Variants in TTC27 observed in about 807,000 individuals in gnomAD.
The protein encoded by TTC27 is tetratricopeptide repeat domain 27, also known as tetratricopeptide repeat protein 27.
A neutral mutation model predicts 115.9 loss-of-function variants in TTC27; 79 were observed. The ratio of observed to expected loss-of-function variants is 0.68; its 90% CI spans 0.57 to 0.82. The LOEUF (loss-of-function observed/expected upper bound fraction) is 0.82, where lower values mean the gene tolerates loss of function less well. Among genes scored for constraint, TTC27 ranks in the 40% least tolerant of loss-of-function variants. TTC27 has a pLI of 0.00. For synonymous variants in TTC27, 401 were observed against 356.0 expected (o/e 1.13, Z -1.42); for missense variants, 1,054 against 993.1 (o/e 1.06, Z -0.82).
chr2:32,721,740 C>T (rs995404743), intron 10 of TTC27, among the ~76,000 whole-genome samples: 2 of 151,974 alleles, frequency 1.3e-5, no homozygotes, highest in African/African-American at 4.8e-5. Context: ...AGGCTCAAGC[C>T]ATCCTCCTGC....
chr2:32,783,126 G>T (rs1670237703), intron 15 of TTC27, among the ~76,000 whole-genome samples: 1 of 152,102 alleles, frequency 6.6e-6, no homozygotes, highest in Admixed American at 6.5e-5. Flanking sequence ...TTAAAAAATT[G>T]ATTAGTATAT....
intron 13 of TTC27, among the ~76,000 whole-genome samples, chr2:32,759,583 C>T (rs980648573): frequency 2.0e-5 from 3 of 152,078 alleles, no homozygotes; most frequent in Non-Finnish European, 4.4e-5. Flanking sequence ...GAGACCTCAT[C>T]TCTGAAAAAA....
intron 16 of TTC27, among the ~76,000 whole-genome samples, chr2:32,790,154 TC>T (rs1346217610): frequency 1.3e-5 from 2 of 152,072 alleles, no homozygotes; most frequent in Admixed American, 6.5e-5. Context: ...AGCTTTTTAC[TC>T]CTGTAATCAT....
In TTC27 at chr2:32,692,036, G is replaced by GTTTTTTTTTTTTTTTTTTTTTTTTTT. The variant is rs779547700; in HGVS notation, c.1120-10770_1120-10745dup. 4.7e-4 allele frequency among the ~76,000 whole-genome samples: 29 copies of GTTTTTTTTTTTTTTTTTTTTTTTTTT among 61,208 alleles called. 6 individuals carry two copies. The highest frequency in any genetic ancestry group is 8.8e-4 in the South Asian group (1 of 1,142). The allele number at this position is 61,208 out of a possible 152,430, so 40.2% of individuals were successfully genotyped here. On this transcript the variant is annotated intron_variant, in intron 9 of 19. Transcript: ENST00000317907. ...GGGATATTCTTTTTTAATTTTTTAG[G>GTTTTTTTTTTTTTTTTTTTTTTTTTT]TTTTTTTTTTTTTTTTTTTTTTTTT... is the stretch of plus-strand genomic sequence containing the variant.
chr2:32,741,506 A>C (rs1334037328), intron 12 of TTC27, among the ~76,000 whole-genome samples: 1 of 151,660 alleles, frequency 6.6e-6, no homozygotes, highest in Non-Finnish European at 1.5e-5. Flanking sequence ...AAAAAAATTA[A>C]CCGGACGTGG....
chr2:32,720,009 A>G (rs1314132448), intron 10 of TTC27, among the ~76,000 whole-genome samples: 1 of 152,220 alleles, frequency 6.6e-6, no homozygotes, highest in African/African-American at 2.4e-5. Context: ...ATAGCTAATA[A>G]TAGTAACATA....
intron 13 of TTC27, among the ~76,000 whole-genome samples, chr2:32,774,400 C>G (rs1669929845): frequency 1.3e-5 from 2 of 151,986 alleles, no homozygotes; most frequent in Non-Finnish European, 2.9e-5. Flanking sequence ...GTCTTGAACT[C>G]CTGACCTCAA....
intron 3 of TTC27, among the ~76,000 whole-genome samples, chr2:32,636,985 C>T (rs1440204801): frequency 2.0e-5 from 3 of 152,150 alleles, no homozygotes; most frequent in Non-Finnish European, 4.4e-5. Context: ...TGAAAAATCA[C>T]TTGATGGAGG....
In TTC27 at chr2:32,678,925, G is replaced by T; in HGVS notation, c.1119+3G>T. On this transcript the variant is annotated splice_donor_region_variant and intron_variant, in intron 9 of 19. Coordinates refer to ENST00000317907, the MANE Select transcript of TTC27 (RefSeq NM_017735.5). ...TGGAGCTTCTGGCATTTACATCAGTGAGTAATGTCTTTTTCTCTTCCATTT... is the reference window on the plus strand; with the variant it reads ...TGGAGCTTCTGGCATTTACATCAGTTAGTAATGTCTTTTTCTCTTCCATTT... The T allele has an allele frequency of 6.2e-7, 1 of 1,611,844 alleles. No homozygotes were observed. Among genetic ancestry groups the T allele is most frequent in the South Asian group, 1.1e-5 (1 of 90,924 alleles).
chr2:32,735,426 C>CT (rs1365092115), intron 11 of TTC27, among the ~76,000 whole-genome samples: 2 of 152,082 alleles, frequency 1.3e-5, no homozygotes, highest in Admixed American at 6.6e-5. Context: ...TGCTTTTTAT[C>CT]TTTTTCTGAA....
chr2:32,774,468 C>T (rs1669931999), intron 13 of TTC27, among the ~76,000 whole-genome samples: 1 of 152,158 alleles, frequency 6.6e-6, no homozygotes, highest in Non-Finnish European at 1.5e-5. Flanking sequence ...GACCACCTTC[C>T]TTTGACTTTT....
At chr2:32,743,840 G>T (rs898674324) in intron 12 of TTC27, among the ~76,000 whole-genome samples, 3 of 152,178 alleles carry the variant, frequency 2.0e-5, no homozygotes, top group Non-Finnish European at 2.9e-5. Context: ...GTGATACTCA[G>T]TATTGATTTC....
At chr2:32,795,725 G>GTATTATTATTATTATTATTATTAT (rs3081615) in intron 16 of TTC27, among the ~76,000 whole-genome samples, 4,563 of 138,622 alleles carry the variant, frequency 0.033, 84 homozygotes, top group African/African-American at 0.043. Flanking sequence ...GCTAATTTTT[G>GTATTATTATTATTATTATTATTAT]TATTATTATT....
At chr2:32,758,233 A>G (rs1572583813) in intron 12 of TTC27, 59 bp from the exon 13 acceptor site, 2 of 576,036 alleles carry the variant, frequency 3.5e-6, no homozygotes, top group Non-Finnish European at 2.5e-6. Context: ...TATATGTGCT[A>G]AAAAAAAAAA....
intron 16 of TTC27, among the ~76,000 whole-genome samples, chr2:32,790,342 T>C (rs1169981061): frequency 6.6e-6 from 1 of 152,110 alleles, no homozygotes; most frequent in Non-Finnish European, 1.5e-5. Flanking sequence ...GCCTCAAATT[T>C]TTCTGTTTTT....
intron 4 of TTC27, among the ~76,000 whole-genome samples, chr2:32,648,882 T>C (rs1209598736): frequency 1.3e-5 from 2 of 152,010 alleles, no homozygotes; most frequent in Non-Finnish European, 2.9e-5. Flanking sequence ...CATGGTGACA[T>C]GGCCAGTAGT....
At chr2:32,634,761 ATTC>A (rs1231489623) in intron 3 of TTC27, among the ~76,000 whole-genome samples, 1 of 151,918 alleles carries the variant, frequency 6.6e-6, no homozygotes, top group Non-Finnish European at 1.5e-5. Context: ...GGTTCAAGCA[ATTC>A]TTCTGCTTCA....
intron 10 of TTC27, among the ~76,000 whole-genome samples, chr2:32,730,631 T>A (rs1249178938): frequency 2.0e-5 from 3 of 151,642 alleles, no homozygotes; most frequent in African/African-American, 7.3e-5. Context: ...ATTTTTTTTT[T>A]TTTTTTTCTT....
chr2:32,704,639 C>T (rs1198558095), intron 10 of TTC27, among the ~76,000 whole-genome samples: 1 of 152,180 alleles, frequency 6.6e-6, no homozygotes, highest in African/African-American at 2.4e-5. Context: ...GGATCCAAGC[C>T]TGGCATTTCA....
Sources: gnomAD v4.1 joint callset for allele counts (sites outside exome capture counted in the v4.1 genomes callset) on GRCh38, gnomAD v4.1.1 for gene constraint, MANE v1.5 for transcripts, NCBI Gene and HGNC (gene_info 2026-07-23, HGNC 2026-07-21) for gene names.